The following CNKSR2 variants were observed in gnomAD, a reference collection of about 807,000 sequenced individuals.
The protein encoded by CNKSR2 is connector enhancer of kinase suppressor of Ras 2.
Under a neutral mutation model 84.4 loss-of-function variants are expected in CNKSR2, and 14 were observed. That is an observed-to-expected ratio of 0.17 (90% CI 0.11 to 0.26). The LOEUF (loss-of-function observed/expected upper bound fraction) is 0.26. CNKSR2 is among the 10% of genes least tolerant of loss of function. The pLI, the probability that CNKSR2 is intolerant of heterozygous loss-of-function variation, is 1.00. For missense variants in CNKSR2, 485 were observed against 771.2 expected (o/e 0.63, Z 4.40); for synonymous variants, 275 against 277.9 (o/e 0.99, Z 0.10).
At chrX:21,387,848 A>G (rs898097226) in intron 1 of CNKSR2, among the ~76,000 whole-genome samples, 4 of 111,901 alleles carry the variant, frequency 3.6e-5, no homozygotes, top group African/African-American at 9.7e-5. Flanking sequence ...ATGGGTTTCT[A>G]TATGTACATA....
chrX:21,651,768 A>G (rs2092721361), intron 21 of CNKSR2, among the ~76,000 whole-genome samples: 1 of 111,915 alleles, frequency 8.9e-6, no homozygotes. Flanking sequence ...TCTCCATTAC[A>G]GGCCCCCAGT....
At chrX:21,534,117 G>GT (rs199914208) in intron 11 of CNKSR2, among the ~76,000 whole-genome samples, 1,433 of 109,793 alleles carry the variant, frequency 0.013, 26 homozygotes, top group African/African-American at 0.044. Flanking sequence ...TCAGCCTCCA[G>GT]TAACCACAGT....
At chrX:21,527,204 C>G (rs1177671512) in intron 10 of CNKSR2, among the ~76,000 whole-genome samples, 2 of 109,732 alleles carry the variant, frequency 1.8e-5, no homozygotes, top group African/African-American at 6.6e-5. Flanking sequence ...TAAATACTTG[C>G]TGTGCATTAA....
At chrX:21,575,145 C>A (rs1283540119) in intron 13 of CNKSR2, among the ~76,000 whole-genome samples, 2 of 111,227 alleles carry the variant, frequency 1.8e-5, no homozygotes, top group African/African-American at 6.5e-5. Context: ...ACTGTGGAAA[C>A]CCACTACCTA....
intron 4 of CNKSR2, among the ~76,000 whole-genome samples, chrX:21,449,519 C>A (rs770094947): frequency 8.1e-5 from 9 of 110,638 alleles, no homozygotes; most frequent in African/African-American, 3.0e-4. Flanking sequence ...TCTTCATATG[C>A]ACATCTGTCT....
chrX:21,647,286 T>G (rs2092708936), intron 20 of CNKSR2, among the ~76,000 whole-genome samples: 1 of 112,280 alleles, frequency 8.9e-6, no homozygotes, highest in Non-Finnish European at 1.9e-5. Flanking sequence ...TACCATTGGT[T>G]GTTAACTTCA....
intron 5 of CNKSR2, among the ~76,000 whole-genome samples, chrX:21,480,103 T>C (rs1342797239): frequency 9.0e-6 from 1 of 111,367 alleles, no homozygotes; most frequent in African/African-American, 3.3e-5. Flanking sequence ...CTTAACATTG[T>C]GCTTACTGTA....
At chrX:21,565,785 G>A (rs770334333) in intron 13 of CNKSR2, among the ~76,000 whole-genome samples, 7 of 111,420 alleles carry the variant, frequency 6.3e-5, no homozygotes, top group African/African-American at 2.3e-4. Flanking sequence ...TCTAATTGGT[G>A]GGGTTTTTAC....
At chrX:21,502,939 G>A (rs1387839960) in intron 8 of CNKSR2, among the ~76,000 whole-genome samples, 2 of 111,179 alleles carry the variant, frequency 1.8e-5, no homozygotes, top group Non-Finnish European at 3.8e-5. Flanking sequence ...AGCTGCTTCA[G>A]TAGACGAGTA....
At chrX:21,465,449 C>T (rs2091114685) in intron 4 of CNKSR2, among the ~76,000 whole-genome samples, 1 of 110,605 alleles carries the variant, frequency 9.0e-6, no homozygotes, top group South Asian at 3.8e-4. Flanking sequence ...TTAAATTAAC[C>T]CCTTAGGCAT....
At chrX:21,547,811 C>T (rs748339125) in intron 11 of CNKSR2, among the ~76,000 whole-genome samples, 1 of 112,190 alleles carries the variant, frequency 8.9e-6, no homozygotes, top group South Asian at 3.7e-4. Flanking sequence ...AACTGAACAA[C>T]CTGCTCCTGA....
chrX:21,568,309 T>C (rs181019639), intron 13 of CNKSR2, among the ~76,000 whole-genome samples: 104 of 111,576 alleles, frequency 9.3e-4, no homozygotes, highest in African/African-American at 3.2e-3. Context: ...GTGATAATAA[T>C]AATAGTCATT....
chrX:21,556,115 A>C (rs1212917532), intron 11 of CNKSR2, among the ~76,000 whole-genome samples: 1 of 110,798 alleles, frequency 9.0e-6, no homozygotes. Flanking sequence ...AGAAGGAAGG[A>C]AAGGGAAAGA....
intron 3 of CNKSR2, among the ~76,000 whole-genome samples, chrX:21,438,674 T>C (rs1158029821): frequency 9.0e-6 from 1 of 111,450 alleles, no homozygotes; most frequent in African/African-American, 3.3e-5. Context: ...TACAAAGGAA[T>C]GTACTGTTGA....
At chrX:21,455,974 T>G (rs969320820) in intron 4 of CNKSR2, among the ~76,000 whole-genome samples, 1 of 111,546 alleles carries the variant, frequency 9.0e-6, no homozygotes, top group African/African-American at 3.3e-5. Context: ...AATGCCTTTC[T>G]CAGACTGCTT....
chrX:21,446,587 T>C (rs1164660127), intron 4 of CNKSR2, among the ~76,000 whole-genome samples: 7 of 111,481 alleles, frequency 6.3e-5, no homozygotes, highest in Non-Finnish European at 1.1e-4. Flanking sequence ...GAGCAAAAAC[T>C]TAAAGACTTA....
intron 18 of CNKSR2, among the ~76,000 whole-genome samples, chrX:21,603,406 T>G (rs1361638969): frequency 2.7e-5 from 3 of 112,221 alleles, no homozygotes; most frequent in Admixed American, 9.4e-5. Flanking sequence ...AGTTATATCT[T>G]CTGAGTACCA....
rs1017261722 is a variant in CNKSR2, at chrX:21,497,008, AT to A, written c.682-771del. On this transcript the variant is annotated intron_variant, in intron 6 of 21. Coordinates refer to ENST00000379510, the MANE Select transcript of CNKSR2 (RefSeq NM_014927.5). ...TTAAAAATGTGAATCCCTTATTGTG[AT>A]TTTTTTTCTTTAAAGTTCCATCACT... Among the ~76,000 whole-genome samples the A allele has an allele frequency of 1.0e-4, 11 of 110,253 alleles. No homozygotes were observed. The South Asian group carries it at 1.5e-3, about 15-fold the overall frequency.
At chrX:21,572,730 T>C in intron 13 of CNKSR2, among the ~76,000 whole-genome samples, 1 of 111,245 alleles carries the variant, frequency 9.0e-6, no homozygotes, top group South Asian at 3.9e-4. Flanking sequence ...ATGATTCAAT[T>C]ACCTCCCACC....
Sources: gnomAD v4.1 joint callset for allele counts (sites outside exome capture counted in the v4.1 genomes callset) on GRCh38, gnomAD v4.1.1 for gene constraint, MANE v1.5 for transcripts, NCBI Gene and HGNC (gene_info 2026-07-23, HGNC 2026-07-21) for gene names.